Variants in MAP2 observed in about 807,000 individuals in gnomAD.
MAP2 encodes microtubule associated protein 2.
A neutral mutation model predicts 137.6 loss-of-function variants in MAP2; 14 were observed. That is an observed-to-expected ratio of 0.10 (90% CI 0.07 to 0.16). The LOEUF (loss-of-function observed/expected upper bound fraction) is 0.16, where lower values mean the gene tolerates loss of function less well. Among genes scored for constraint, MAP2 ranks in the 10% least tolerant of loss-of-function variants. The pLI, the probability that MAP2 is intolerant of heterozygous loss-of-function variation, is 1.00. For synonymous variants in MAP2, 786 were observed against 782.3 expected (o/e 1.00, Z -0.08); for missense variants, 2,088 against 2,191.5 (o/e 0.95, Z 0.94).
chr2:209,517,110 G>A (rs561807004), intron 2 of MAP2, among the ~76,000 whole-genome samples: 2 of 152,196 alleles, frequency 1.3e-5, no homozygotes, highest in East Asian at 3.9e-4. Context: ...TATTTACCAA[G>A]TTTCTCTATC....
At chr2:209,704,517 G>T in intron 11 of MAP2, 1 of 1,612,788 alleles carries the variant, frequency 6.2e-7, no homozygotes, top group Non-Finnish European at 8.5e-7. Flanking sequence ...AGCTCAGCCT[G>T]CCCTAGCACG....
chr2:209,563,073 C>T (rs1356273148), intron 2 of MAP2, among the ~76,000 whole-genome samples: 2 of 152,152 alleles, frequency 1.3e-5, no homozygotes, highest in Non-Finnish European at 2.9e-5. Context: ...AGATGCCAGA[C>T]CTTAACTCCT....
intron 1 of MAP2, among the ~76,000 whole-genome samples, chr2:209,488,024 G>T (rs10207071): frequency 3.3e-5 from 5 of 152,084 alleles, no homozygotes; most frequent in African/African-American, 7.2e-5. Context: ...GAACAGCTCC[G>T]GTCTGCAGCT....
At position 209,689,308 on chromosome 2, in the gene MAP2, T is replaced by TC. The variant is rs2058130036; in HGVS notation, c.455-3317_455-3316insC. Among the ~76,000 whole-genome samples the TC allele has an allele frequency of 1.3e-5, 2 of 152,070 alleles. 1 individual carries two copies. The highest frequency in any genetic ancestry group is 4.8e-5 in the African/African-American group (2 of 41,428). On this transcript the variant is annotated intron_variant, in intron 7 of 15. Coordinates refer to ENST00000682079, the MANE Select transcript of MAP2 (RefSeq NM_001375505.1). ...AGAGATTGATAATGTAGATTTTTTT[T>TC]TCTCTCTCTGTTTCTCTCTGAGGAT...
intron 13 of MAP2, among the ~76,000 whole-genome samples, chr2:209,722,930 A>G (rs556078449): frequency 2.6e-5 from 4 of 152,314 alleles, no homozygotes; most frequent in South Asian, 2.1e-4. Flanking sequence ...ATGATCATCC[A>G]TGGAAAATGG....
chr2:209,662,410 A>G (rs1381129473), intron 5 of MAP2, among the ~76,000 whole-genome samples: 2 of 152,326 alleles, frequency 1.3e-5, no homozygotes, highest in East Asian at 3.9e-4. Flanking sequence ...TTGAATTTGA[A>G]TCTTAACGAA....
At chr2:209,619,811 A>T (rs2090600662) in intron 3 of MAP2, among the ~76,000 whole-genome samples, 1 of 152,146 alleles carries the variant, frequency 6.6e-6, no homozygotes, top group African/African-American at 2.4e-5. Flanking sequence ...CATCCTTGAG[A>T]TGGAGATATT....
At chr2:209,526,318 T>C (rs1293233461) in intron 2 of MAP2, among the ~76,000 whole-genome samples, 1 of 151,930 alleles carries the variant, frequency 6.6e-6, no homozygotes, top group Non-Finnish European at 1.5e-5. Flanking sequence ...AGTAATAATA[T>C]ACAAAAGCAA....
Position 209,691,141 on chromosome 2 carries a change from G to GCC in MAP2, c.455-1478_455-1477dup, listed in dbSNP as rs3835775. On this transcript the variant is annotated intron_variant, in intron 7 of 15. Coordinates refer to ENST00000682079, the MANE Select transcript of MAP2 (RefSeq NM_001375505.1). ...CTTTTTTTATTTTATTTTTTTACCCGCCCCCCCTCATCTCAAATGTTTGCC... is the reference window on the plus strand; with the variant it reads ...CTTTTTTTATTTTATTTTTTTACCCGCCCCCCCCCTCATCTCAAATGTTTGCC... Among the ~76,000 whole-genome samples, 1,279 of 150,468 alleles carry GCC rather than the reference G, an allele frequency of 8.5e-3. 19 individuals carry two copies. Among genetic ancestry groups the GCC allele is most frequent in the African/African-American group, 0.03 (1,223 of 40,736 alleles).
intron 1 of MAP2, among the ~76,000 whole-genome samples, chr2:209,457,923 C>T (rs1575303623): frequency 6.6e-6 from 1 of 152,086 alleles, no homozygotes; most frequent in East Asian, 1.9e-4. Flanking sequence ...AAATAAATTG[C>T]AGCTATAAAG....
intron 2 of MAP2, among the ~76,000 whole-genome samples, chr2:209,529,031 T>C (rs2064673705): frequency 6.6e-6 from 1 of 151,970 alleles, no homozygotes; most frequent in South Asian, 2.1e-4. Flanking sequence ...GACCAATTCA[T>C]TATAGTTCCT....
intron 3 of MAP2, among the ~76,000 whole-genome samples, chr2:209,597,840 A>C (rs2081722249): frequency 6.6e-6 from 1 of 151,228 alleles, no homozygotes. Flanking sequence ...AGTCCTGCTT[A>C]TTGGCTGGGT....
At chr2:209,462,088 C>A (rs1702970605) in intron 1 of MAP2, among the ~76,000 whole-genome samples, 1 of 152,240 alleles carries the variant, frequency 6.6e-6, no homozygotes, top group Middle Eastern at 3.4e-3. Context: ...CCTTGAGCTG[C>A]TTTATAAAAA....
intron 2 of MAP2, among the ~76,000 whole-genome samples, chr2:209,573,766 A>G (rs1369152632): frequency 1.3e-5 from 2 of 152,176 alleles, no homozygotes; most frequent in Admixed American, 1.3e-4. Flanking sequence ...GGCCCTACGC[A>G]TTAGTTGTCA....
chr2:209,575,151 G>C (rs1367648210), intron 2 of MAP2, among the ~76,000 whole-genome samples: 1 of 152,160 alleles, frequency 6.6e-6, no homozygotes, highest in Non-Finnish European at 1.5e-5. Context: ...AATTCAAAGA[G>C]AGTAGGAGAC....
At chr2:209,584,558 G>C (rs915177956) in intron 3 of MAP2, among the ~76,000 whole-genome samples, 4 of 152,110 alleles carry the variant, frequency 2.6e-5, no homozygotes, top group African/African-American at 7.2e-5. Flanking sequence ...TATTCAGTGG[G>C]AAGCTATTGA....
intron 4 of MAP2, among the ~76,000 whole-genome samples, chr2:209,626,266 T>G (rs1201662216): frequency 1.3e-5 from 2 of 152,104 alleles, no homozygotes; most frequent in East Asian, 3.9e-4. Context: ...ATACAAAAAA[T>G]TAGCCAGGTA....
At chr2:209,729,254 T>C (rs2075239911) in intron 14 of MAP2, among the ~76,000 whole-genome samples, 1 of 152,208 alleles carries the variant, frequency 6.6e-6, no homozygotes, top group Admixed American at 6.5e-5. Context: ...GAGATGATGA[T>C]CTGTCACTCC....
intron 2 of MAP2, among the ~76,000 whole-genome samples, chr2:209,569,290 A>C (rs1333979007): frequency 6.6e-6 from 1 of 151,774 alleles, no homozygotes; most frequent in African/African-American, 2.4e-5. Flanking sequence ...TATGCTTCTT[A>C]TATGAGCTTT....
Sources: gnomAD v4.1 joint callset for allele counts (sites outside exome capture counted in the v4.1 genomes callset) on GRCh38, gnomAD v4.1.1 for gene constraint, MANE v1.5 for transcripts, NCBI Gene and HGNC (gene_info 2026-07-23, HGNC 2026-07-21) for gene names.